The following AHCY variants were observed in gnomAD, a reference collection of about 807,000 sequenced individuals.
The protein encoded by AHCY is adenosylhomocysteinase.
A neutral mutation model predicts 45.4 loss-of-function variants in AHCY; 24 were observed. The observed-to-expected ratio is 0.53, with a 90% CI of 0.38 to 0.74. AHCY has a LOEUF of 0.74. AHCY is among the 30% of genes least tolerant of loss of function. AHCY has a pLI of 0.00. For synonymous variants in AHCY, 245 were observed against 235.1 expected, an observed-to-expected ratio of 1.04 and a Z score of -0.39; for missense variants, 449 against 594.1, an observed-to-expected ratio of 0.76 and a Z score of 2.54.
the AHCY span, among the ~76,000 whole-genome samples, chr20:34,237,917 T>C: frequency 6.6e-6 from 1 of 152,192 alleles, no homozygotes; most frequent in African/African-American, 2.4e-5. Context: ...TAATCTGATA[T>C]AGGATTCTTG....
At position 34,280,908 on chromosome 20, in the gene AHCY, C is replaced by A. The variant is rs141075350; in HGVS notation, c.*126G>T. 1 of 1,428,354 alleles carries A rather than the reference C, an allele frequency of 7.0e-7. No homozygotes were observed. Among genetic ancestry groups the A allele is most frequent in the Admixed American group, 2.0e-5 (1 of 50,968 alleles). 88.5% of individuals were successfully genotyped at this position (1,428,354 alleles called of 1,614,324 possible). On this transcript the variant is annotated 3_prime_UTR_variant, in exon 10 of 10. Transcript: ENST00000217426. ...CAGCAGAGGCCAAAAACTAAGTGAT[C>A]AGCCCCAGAGAGTCGATGGGGGACA... is the stretch of plus-strand genomic sequence containing the variant.
the AHCY span, among the ~76,000 whole-genome samples, chr20:34,251,209 A>G: frequency 6.6e-6 from 1 of 152,000 alleles, no homozygotes; most frequent in Non-Finnish European, 1.5e-5. Context: ...ACACTTATGC[A>G]TTTGTAAATT....
At chr20:34,241,593 A>G in the AHCY span, 2 of 957,210 alleles carry the variant, frequency 2.1e-6, no homozygotes, top group African/African-American at 3.5e-5. Context: ...TGGAAAGTTA[A>G]ACAGATTTTT....
the AHCY span, chr20:34,262,762 C>A: frequency 1.3e-6 from 2 of 1,565,532 alleles, no homozygotes; most frequent in South Asian, 1.1e-5. Flanking sequence ...CCCCCTCTGC[C>A]CCTCTCACTT....
At position 34,293,083 on chromosome 20, in the gene AHCY, T is replaced by A. The variant is rs145917680; in HGVS notation, c.296-576A>T. Among the ~76,000 whole-genome samples, 821 of 152,256 alleles carry A rather than the reference T, an allele frequency of 5.4e-3. 10 individuals carry two copies. Among genetic ancestry groups the A allele is most frequent in the African/African-American group, 0.019 (783 of 41,552 alleles). ...AGCTACCATGTGTGGGGTACTTGCT[T>A]TCTGCCAGACATGACTCTAAATCCT... On this transcript the variant is annotated intron_variant, in intron 3 of 9. Coordinates refer to ENST00000217426, the MANE Select transcript of AHCY (RefSeq NM_000687.4).
At chr20:34,308,044 G>A (rs1294179312), upstream of AHCY, among the ~76,000 whole-genome samples, 1 of 152,094 alleles carries the variant, frequency 6.6e-6, no homozygotes, top group Non-Finnish European at 1.5e-5. Context: ...GTGAGAACAT[G>A]CTGTATTTGG....
At chr20:34,302,888 C>A in intron 1 of AHCY, 1 of 985,450 alleles carries the variant, frequency 1.0e-6, no homozygotes, top group Non-Finnish European at 1.2e-6. Context: ...CCGGTCCAGG[C>A]CTAGGAGGCC....
chr20:34,283,916 G>T (rs1434667017), intron 9 of AHCY, among the ~76,000 whole-genome samples: 2 of 152,326 alleles, frequency 1.3e-5, no homozygotes, highest in African/African-American at 4.8e-5. Flanking sequence ...GCAGCAAAAG[G>T]CTGGAAGAGC....
chr20:34,302,189 T>G (rs763686103), intron 1 of AHCY, among the ~76,000 whole-genome samples: 2 of 152,012 alleles, frequency 1.3e-5, no homozygotes, highest in African/African-American at 4.8e-5. Flanking sequence ...TTGGTAGAGA[T>G]AGCGTTTCAC....
downstream of AHCY, among the ~76,000 whole-genome samples, chr20:34,279,709 G>C (rs2035947955): frequency 6.6e-6 from 1 of 152,192 alleles, no homozygotes; most frequent in African/African-American, 2.4e-5. Context: ...CTAAGCCAGA[G>C]TGAGCAGTTT....
the AHCY span, among the ~76,000 whole-genome samples, chr20:34,270,107 C>G: frequency 6.6e-6 from 1 of 150,898 alleles, no homozygotes; most frequent in Non-Finnish European, 1.5e-5. Flanking sequence ...TAAAAATTAG[C>G]CGGGTGTGGT....
chr20:34,307,919 A>C (rs947084745), upstream of AHCY, among the ~76,000 whole-genome samples: 6 of 151,800 alleles, frequency 4.0e-5, no homozygotes, highest in Non-Finnish European at 4.4e-5. Context: ...ACAGCACCTA[A>C]GTTTTTTTTT....
chr20:34,245,837 G>A, the AHCY span: 11 of 772,672 alleles, frequency 1.4e-5, no homozygotes, highest in Non-Finnish European at 1.6e-5. Context: ...CAGTTTTACT[G>A]TAGAATATAT....
downstream of AHCY, among the ~76,000 whole-genome samples, chr20:34,280,023 C>T (rs534298920): frequency 5.3e-5 from 8 of 152,094 alleles, no homozygotes; most frequent in East Asian, 1.4e-3. Context: ...ACCCAGGAGG[C>T]GAAGGTTGCA....
chr20:34,304,077 C>T (rs556288096), upstream of AHCY, among the ~76,000 whole-genome samples: 8 of 152,322 alleles, frequency 5.3e-5, no homozygotes, highest in African/African-American at 1.9e-4. Context: ...CTCCAAGTAA[C>T]CAACACCCTG....
chr20:34,287,382 ATTAAT>A (rs1218630046), intron 8 of AHCY, among the ~76,000 whole-genome samples: 3 of 117,768 alleles, frequency 2.5e-5, no homozygotes, highest in Non-Finnish European at 5.3e-5. Context: ...TTTTTATTTT[ATTAAT>A]TTTTTTTTTT....
the AHCY span, among the ~76,000 whole-genome samples, chr20:34,233,775 C>T: frequency 1.3e-5 from 2 of 152,082 alleles, no homozygotes; most frequent in African/African-American, 4.8e-5. Context: ...TCAAGGGCCA[C>T]AATGATGTGG....
chr20:34,244,044 G>A, the AHCY span, among the ~76,000 whole-genome samples: 2 of 152,284 alleles, frequency 1.3e-5, no homozygotes, highest in Non-Finnish European at 2.9e-5. Context: ...CAGCCTGGGC[G>A]ACAGAGTGAG....
chr20:34,302,932 G>A (rs1415505581), intron 1 of AHCY: 13 of 985,338 alleles, frequency 1.3e-5, no homozygotes, highest in Non-Finnish European at 1.6e-5. Flanking sequence ...TCCGGCAGGT[G>A]CCAGCCGTCC....
Sources: gnomAD v4.1 joint callset for allele counts (sites outside exome capture counted in the v4.1 genomes callset) on GRCh38, gnomAD v4.1.1 for gene constraint, MANE v1.5 for transcripts, NCBI Gene and HGNC (gene_info 2026-07-23, HGNC 2026-07-21) for gene names.